Variants in MCC observed in about 807,000 individuals in gnomAD.
MCC encodes the protein MCC regulator of Wnt signaling pathway.
In MCC, 90 loss-of-function variants were observed where a neutral mutation model predicts 116.2. The ratio of observed to expected loss-of-function variants is 0.77; its 90% CI spans 0.65 to 0.92. MCC has a LOEUF of 0.92. MCC is among the 40% of genes least tolerant of loss of function. The probability of loss-of-function intolerance (pLI) is 0.00; values close to 1 mark genes in which losing one functional copy is unlikely to be tolerated. For synonymous variants in MCC, 578 were observed against 510.5 expected, an observed-to-expected ratio of 1.13 and a Z score of -1.78; for missense variants, 1,516 against 1,312.2, an observed-to-expected ratio of 1.16 and a Z score of -2.40.
intron 1 of MCC, among the ~76,000 whole-genome samples, chr5:113,466,969 G>A (rs1429471466): frequency 1.3e-5 from 2 of 152,166 alleles, no homozygotes; most frequent in African/African-American, 2.4e-5. Flanking sequence ...TTTTTTGGCT[G>A]CATAAATGTC....
chr5:113,147,029 T>C lies in MCC; in HGVS notation c.742-3669A>G, dbSNP rs75687779. ...GTTTGAAAGGAAAAGAAAAAAATGATTGACATTGGATATGACGAAATTTTG... is the reference window on the plus strand; with the variant it reads ...GTTTGAAAGGAAAAGAAAAAAATGACTGACATTGGATATGACGAAATTTTG... On this transcript the variant is annotated intron_variant, in intron 4 of 18. Coordinates refer to ENST00000408903, the MANE Select transcript of MCC (RefSeq NM_001085377.2). Among the ~76,000 whole-genome samples, 369 of 152,316 alleles carry C rather than the reference T, an allele frequency of 2.4e-3. 7 individuals carry two copies. In the East Asian group the frequency reaches 0.038, roughly 16 times the overall value.
At chr5:113,037,902 A>C (rs914312315) in intron 17 of MCC, among the ~76,000 whole-genome samples, 2 of 152,312 alleles carry the variant, frequency 1.3e-5, no homozygotes, top group Middle Eastern at 3.4e-3. Flanking sequence ...TGGGCTAGGA[A>C]GTTAAGTTAG....
chr5:113,380,884 A>G (rs1045382616), intron 2 of MCC, among the ~76,000 whole-genome samples: 1 of 152,228 alleles, frequency 6.6e-6, no homozygotes, highest in African/African-American at 2.4e-5. Context: ...CAAACATGGT[A>G]AGTCAGGGGA....
chr5:113,056,625 G>A (rs747185207), intron 14 of MCC, among the ~76,000 whole-genome samples: 3 of 152,072 alleles, frequency 2.0e-5, no homozygotes, highest in Non-Finnish European at 4.4e-5. Flanking sequence ...TAATGCATAC[G>A]AAGCTTAATA....
intron 12 of MCC, among the ~76,000 whole-genome samples, chr5:113,069,640 C>G (rs1302460836): frequency 2.0e-5 from 3 of 152,238 alleles, no homozygotes; most frequent in Admixed American, 2.0e-4. Context: ...ACGATCTCAG[C>G]TCACTGCAAG....
chr5:113,291,518 T>C (rs1442598960), intron 3 of MCC, among the ~76,000 whole-genome samples: 1 of 152,192 alleles, frequency 6.6e-6, no homozygotes, highest in Non-Finnish European at 1.5e-5. Context: ...TTGTTTATGA[T>C]ACCCAGGATA....
At chr5:113,212,314 A>G (rs1396025107) in intron 3 of MCC, among the ~76,000 whole-genome samples, 4 of 152,122 alleles carry the variant, frequency 2.6e-5, no homozygotes, top group Non-Finnish European at 5.9e-5. Flanking sequence ...CTTGCTCACT[A>G]ATCTTGAATC....
At chr5:113,238,261 A>T (rs1764225011) in intron 3 of MCC, among the ~76,000 whole-genome samples, 1 of 152,098 alleles carries the variant, frequency 6.6e-6, no homozygotes, top group South Asian at 2.1e-4. Flanking sequence ...TAATATTTGG[A>T]AACATTTTTT....
intron 3 of MCC, among the ~76,000 whole-genome samples, chr5:113,278,453 G>C (rs548482375): frequency 3.0e-4 from 45 of 152,290 alleles, no homozygotes; most frequent in African/African-American, 1.1e-3. Context: ...GCTACAATGC[G>C]AACTACCCAA....
intron 1 of MCC, among the ~76,000 whole-genome samples, chr5:113,401,401 C>T (rs532384047): frequency 2.8e-4 from 43 of 152,202 alleles, no homozygotes; most frequent in Non-Finnish European, 4.9e-4. Flanking sequence ...AATAGAATAA[C>T]CAAGTCTAAG....
chr5:113,239,599 A>T (rs73244769), intron 3 of MCC, among the ~76,000 whole-genome samples: 14,722 of 152,108 alleles, frequency 0.097, 1,320 homozygotes, highest in Admixed American at 0.25. Context: ...CTAAGAAGGA[A>T]CTCCGTAGTA....
intron 3 of MCC, among the ~76,000 whole-genome samples, chr5:113,294,026 G>A (rs1473923938): frequency 2.0e-5 from 3 of 152,196 alleles, no homozygotes; most frequent in African/African-American, 7.2e-5. Context: ...TAGTGGAAGC[G>A]GGTGGGAAGG....
intron 2 of MCC, among the ~76,000 whole-genome samples, chr5:113,353,187 A>G (rs1343517379): frequency 6.6e-6 from 1 of 152,114 alleles, no homozygotes; most frequent in East Asian, 1.9e-4. Flanking sequence ...TGCTCCTCAC[A>G]TTCTTTGCTG....
At chr5:113,482,559 T>C (rs1365409375) in intron 1 of MCC, among the ~76,000 whole-genome samples, 1 of 152,222 alleles carries the variant, frequency 6.6e-6, no homozygotes, top group East Asian at 1.9e-4. Flanking sequence ...TATGTCTTCC[T>C]TGGAGAAATG....
intron 3 of MCC, among the ~76,000 whole-genome samples, chr5:113,327,559 A>ATATATATATATATATATAT (rs1186361820): frequency 9.9e-5 from 8 of 81,012 alleles, no homozygotes; most frequent in South Asian, 3.3e-4. Flanking sequence ...AAAAAAAAAA[A>ATATATATATATATATATAT]AAATATATAT....
chr5:113,106,935 A>C (rs1239057763), intron 6 of MCC, among the ~76,000 whole-genome samples: 1 of 151,992 alleles, frequency 6.6e-6, no homozygotes, highest in African/African-American at 2.4e-5. Context: ...ATGGAGTTTC[A>C]CCTCCTCCCT....
intron 9 of MCC, 21 bp from the exon 10 acceptor site, chr5:113,084,211 A>G (rs768831307): frequency 2.5e-5 from 39 of 1,591,822 alleles, no homozygotes; most frequent in Non-Finnish European, 3.0e-5. Flanking sequence ...AAAACAAAAC[A>G]TTATAGAAAA....
chr5:113,252,771 G>A lies in MCC; in HGVS notation c.627+87748C>T, dbSNP rs566182132. Among the ~76,000 whole-genome samples the A allele has an allele frequency of 5.4e-5, 8 of 148,856 alleles. No homozygotes were observed. In the East Asian group the frequency reaches 1.6e-3, roughly 29 times the overall value. The stretch of plus-strand genomic sequence containing the variant: ...TGGTCTAGACCACTGTAGTTGCTAT[G>A]GCACCCCCAGACTCCAGTTTCTATC... On this transcript the variant is annotated intron_variant, in intron 3 of 18. Coordinates refer to ENST00000408903, the MANE Select transcript of MCC (RefSeq NM_001085377.2).
At chr5:113,167,255 A>C (rs537824484) in intron 3 of MCC, among the ~76,000 whole-genome samples, 7 of 152,334 alleles carry the variant, frequency 4.6e-5, no homozygotes, top group African/African-American at 1.7e-4. Context: ...GGAACCTCAA[A>C]GCTAGCTTTT....
Sources: gnomAD v4.1 joint callset for allele counts (sites outside exome capture counted in the v4.1 genomes callset) on GRCh38, gnomAD v4.1.1 for gene constraint, MANE v1.5 for transcripts, NCBI Gene and HGNC (gene_info 2026-07-23, HGNC 2026-07-21) for gene names.